Variants in MYO5C observed in about 807,000 individuals in gnomAD.
MYO5C encodes the protein unconventional myosin-Vc.
In MYO5C, 194 loss-of-function variants were observed where a neutral mutation model predicts 235.7. That is an observed-to-expected ratio of 0.82 (90% confidence interval 0.73 to 0.93). The LOEUF (loss-of-function observed/expected upper bound fraction) is 0.93. MYO5C is among the 40% of genes least tolerant of loss of function. The pLI is 0.00. For missense variants in MYO5C, 2,038 were observed against 2,127.2 expected, an observed-to-expected ratio of 0.96 and a Z score of 0.82; for synonymous variants, 707 against 754.8, an observed-to-expected ratio of 0.94 and a Z score of 1.04.
chr15:52,275,513 C>G (rs751466814), intron 5 of MYO5C, 49 bp downstream of exon 5: 30 of 1,609,070 alleles, frequency 1.9e-5, no homozygotes, highest in Non-Finnish European at 2.5e-5. Flanking sequence ...AACCAACCAA[C>G]CCCCATTTCC....
At chr15:52,272,185 A>G (rs936355449) in intron 6 of MYO5C, among the ~76,000 whole-genome samples, 1 of 152,234 alleles carries the variant, frequency 6.6e-6, no homozygotes, top group Non-Finnish European at 1.5e-5. Context: ...AAATTTCTCC[A>G]TTTACTGGCA....
At chr15:52,291,438 T>C (rs1392873346) in intron 1 of MYO5C, among the ~76,000 whole-genome samples, 1 of 152,210 alleles carries the variant, frequency 6.6e-6, no homozygotes, top group Non-Finnish European at 1.5e-5. Flanking sequence ...CACTGTGGCC[T>C]CAGGCCCTCA....
chr15:52,213,514 C>T (rs1422149605), intron 33 of MYO5C: 3 of 420,258 alleles, frequency 7.1e-6, no homozygotes, highest in East Asian at 8.0e-5. Flanking sequence ...CCCAATTATC[C>T]TTTGAAGAGC....
At position 52,264,415 on chromosome 15, in the gene MYO5C, C is replaced by T. The variant is rs185932512; in HGVS notation, c.941-119G>A. 2,508 of 776,336 alleles carry T rather than the reference C, an allele frequency of 3.2e-3. 9 individuals are homozygous for T. The highest frequency in any genetic ancestry group is 4.5e-3 in the Non-Finnish European group (2,151 of 479,048). The allele number at this position is 776,336 out of a possible 1,614,324, so 48.1% of individuals were successfully genotyped here. ...TCAGTGCCAAGCTCTGGGACAGGAACGTGAAGTGGACCCCAGGGGCATCTG... is the reference window on the plus strand; with the variant it reads ...TCAGTGCCAAGCTCTGGGACAGGAATGTGAAGTGGACCCCAGGGGCATCTG... On this transcript the variant is annotated intron_variant, in intron 8 of 40. Transcript: ENST00000261839.
rs370762340 is a variant in MYO5C, at chr15:52,247,408, G to A, written c.1881+50C>T. 4.4e-6 allele frequency: 7 copies of A among 1,592,114 alleles called. No homozygotes were observed. The African/African-American group carries it at 9.5e-5, about 22-fold the overall frequency. On this transcript the variant is annotated intron_variant, in intron 15 of 40. Coordinates refer to ENST00000261839, the MANE Select transcript of MYO5C (RefSeq NM_018728.4). ...GTCCTCTGAGTGCCCTGGCTCCCCA[G>A]GGCCTGGCCCTGCCTTTAGACCCCT...
chr15:52,204,031 G>A (rs780917843), intron 38 of MYO5C, among the ~76,000 whole-genome samples: 11 of 152,096 alleles, frequency 7.2e-5, no homozygotes, highest in African/African-American at 1.2e-4. Context: ...TATAAGAAAC[G>A]TAAATATCCT....
At chr15:52,239,975 AAATGAGTTTCT>A (rs1318422377) in intron 20 of MYO5C, 96 bp from the exon 21 acceptor site, 1 of 1,331,056 alleles carries the variant, frequency 7.5e-7, no homozygotes, top group African/African-American at 1.5e-5. Context: ...ACGGTGTAGA[AAATGAGTTTCT>A]TCTTGTCAAC....
chr15:52,253,389 AT>A lies in MYO5C; in HGVS notation c.1463del (p.Tyr488LeufsTer9). 6.2e-7 allele frequency: 1 copy of A among 1,613,972 alleles called. No individual in the cohort carries two copies. The highest frequency in any genetic ancestry group is 8.5e-7 in the Non-Finnish European group (1 of 1,179,846). ...TCAGGTCAATAACTGGTTGATTGTC[AT>A]AAAAATCTATCAGCGTCCAAGGTAT... is the stretch of plus-strand genomic sequence containing the variant. ...EDIPWTLIDF[Y>X]DNQPVIDLIE... is the part of the protein sequence containing the mutation. On this transcript the variant is annotated frameshift_variant, in exon 12 of 41. Coordinates refer to ENST00000261839, the MANE Select transcript of MYO5C (RefSeq NM_018728.4). LOFTEE classifies it high-confidence loss of function.
chr15:52,250,444 AT>A (rs1030395008), intron 13 of MYO5C, among the ~76,000 whole-genome samples: 4 of 152,048 alleles, frequency 2.6e-5, no homozygotes, highest in African/African-American at 9.6e-5. Context: ...GGGTTTCGCC[AT>A]GTTGGCCAGG....
At position 52,229,133 on chromosome 15, in the gene MYO5C, C is replaced by G; in HGVS notation, c.3207G>C (p.Lys1069Asn). The change falls in exon 25 of 41, where the codon AAG becomes AAC. Residue 1069 changes from lysine to asparagine, a missense_variant and splice_region_variant. Physicochemically the swap from Lys to Asn is moderately conservative, Grantham distance 94. Transcript: ENST00000261839. ...AEVARLSKQVKTISEFEKEIE... is the reference protein window; with the variant it reads ...AEVARLSKQVNTISEFEKEIE... ...GGGCTGAACGTGAGAGCCGCTCTAC[C>G]TTGACCTGCTTGCTCAGGCGGGCCA... 6.2e-7 allele frequency: 1 copy of G among 1,614,124 alleles called. No individual in the cohort carries two copies. The highest frequency in any genetic ancestry group is 8.5e-7 in the Non-Finnish European group (1 of 1,180,020).
At chr15:52,289,215 G>T (rs1048220799) in intron 1 of MYO5C, among the ~76,000 whole-genome samples, 1 of 149,276 alleles carries the variant, frequency 6.7e-6, no homozygotes, top group Non-Finnish European at 1.5e-5. Flanking sequence ...TGTCTCCCAA[G>T]GTCCTTCCCA....
chr15:52,198,561 GT>G (rs1402040846), intron 38 of MYO5C, among the ~76,000 whole-genome samples: 2 of 151,926 alleles, frequency 1.3e-5, no homozygotes, highest in Non-Finnish European at 2.9e-5. Context: ...AGTTTTTGTT[GT>G]TGTTGTTGTT....
rs1296203958 is a variant in MYO5C, at chr15:52,251,889, T to G, written c.1537-374A>C. On this transcript the variant is annotated intron_variant, in intron 12 of 40. Transcript: ENST00000261839. Reference sequence around the variant, plus strand: ...CATGTTGGCCAGGCTGGCCTCCAACTCCTAACCTCAGGTGATCCACCCACC... The same window carrying G: ...CATGTTGGCCAGGCTGGCCTCCAACGCCTAACCTCAGGTGATCCACCCACC... Among the ~76,000 whole-genome samples the G allele has an allele frequency of 3.3e-5, 5 of 152,160 alleles. No homozygotes were observed. The East Asian group carries it at 9.7e-4, about 29-fold the overall frequency.
intron 25 of MYO5C, 61 bp from the exon 26 acceptor site, chr15:52,225,593 A>G (rs17650476): frequency 0.026 from 28,920 of 1,107,034 alleles, 1,481 homozygotes; most frequent in East Asian, 0.13. Context: ...TTTATATAAG[A>G]CAAAGGGAAC....
chr15:52,241,751 TGA>T (rs56402436), intron 20 of MYO5C, among the ~76,000 whole-genome samples: 3 of 150,150 alleles, frequency 2.0e-5, no homozygotes, highest in African/African-American at 7.4e-5. Flanking sequence ...TGTGTGTGTG[TGA>T]GAGAGAGAGA....
chr15:52,223,948 G>T (rs1295500399), intron 28 of MYO5C, among the ~76,000 whole-genome samples: 1 of 152,142 alleles, frequency 6.6e-6, no homozygotes, highest in East Asian at 1.9e-4. Flanking sequence ...TAACAATGAA[G>T]AAAATTTTAG....
chr15:52,224,835 G>T, intron 28 of MYO5C, 66 bp downstream of exon 28: 1 of 1,338,828 alleles, frequency 7.5e-7, no homozygotes, highest in Non-Finnish European at 1.1e-6. Flanking sequence ...GGTAAACTTT[G>T]GACTTTCCAA....
At chr15:52,292,495 G>T (rs1566998458) in intron 1 of MYO5C, among the ~76,000 whole-genome samples, 1 of 152,224 alleles carries the variant, frequency 6.6e-6, no homozygotes, top group Admixed American at 6.5e-5. Context: ...AACACACAGA[G>T]TTGTTTATCC....
In MYO5C at chr15:52,218,632, TATCA is replaced by T. The variant is rs1191121096; in HGVS notation, c.3837_3840del (p.Asp1280ArgfsTer12). On this transcript the variant is annotated frameshift_variant, in exon 32 of 41. Coordinates refer to ENST00000261839, the MANE Select transcript of MYO5C (RefSeq NM_018728.4). LOFTEE classifies it high-confidence loss of function. ...CTGGCCTCCTGCATTTCTTGAATCT[TATCA>T]ATCAGCTTCTCCTTCTCTTTGGTAT... 1 of 1,614,110 alleles carries T rather than the reference TATCA, an allele frequency of 6.2e-7. No homozygotes were observed.
Sources: allele counts gnomAD v4.1 joint callset (sites outside exome capture counted in the v4.1 genomes callset), GRCh38; gene constraint gnomAD v4.1.1; transcripts MANE v1.5; gene names NCBI Gene and HGNC (gene_info 2026-07-23, HGNC 2026-07-21).